The following PHF21A variants were observed in gnomAD, a reference collection of about 807,000 sequenced individuals.
The protein encoded by PHF21A is BHC80a.
A neutral mutation model predicts 82.5 loss-of-function variants in PHF21A; 11 were observed. That is an observed-to-expected ratio of 0.13 (90% CI 0.08 to 0.22). The LOEUF (loss-of-function observed/expected upper bound fraction) is 0.22. PHF21A is among the 10% of genes least tolerant of loss of function. PHF21A has a pLI of 1.00. For synonymous variants in PHF21A, 297 were observed against 302.8 expected (o/e 0.98, Z 0.20); for missense variants, 579 against 837.8 (o/e 0.69, Z 3.81).
At chr11:46,005,102 T>G (rs2095262460) in intron 6 of PHF21A, among the ~76,000 whole-genome samples, 1 of 152,190 alleles carries the variant, frequency 6.6e-6, no homozygotes, top group Non-Finnish European at 1.5e-5. Context: ...GCAGGCTCAG[T>G]TACCAAGAGC....
At chr11:45,964,092 G>A (rs369633006) in intron 10 of PHF21A, among the ~76,000 whole-genome samples, 1 of 151,692 alleles carries the variant, frequency 6.6e-6, no homozygotes, top group Non-Finnish European at 1.5e-5. Flanking sequence ...AGCTACTCAG[G>A]AGGCTGAGGC....
intron 6 of PHF21A, among the ~76,000 whole-genome samples, chr11:46,047,907 C>A (rs2096280125): frequency 6.6e-6 from 1 of 152,172 alleles, no homozygotes; most frequent in Non-Finnish European, 1.5e-5. Context: ...GTTCTCCTAG[C>A]CAGTACAATT....
intron 6 of PHF21A, among the ~76,000 whole-genome samples, chr11:46,070,689 CT>C (rs1487501542): frequency 6.6e-6 from 1 of 151,988 alleles, no homozygotes; most frequent in Non-Finnish European, 1.5e-5. Flanking sequence ...AGATCAAAGA[CT>C]ACAGAAGGGT....
At chr11:46,038,430 T>A (rs2096061785) in intron 6 of PHF21A, among the ~76,000 whole-genome samples, 1 of 152,152 alleles carries the variant, frequency 6.6e-6, no homozygotes, top group Non-Finnish European at 1.5e-5. Context: ...ACCCGGCCCA[T>A]TTCATTCTTT....
intron 6 of PHF21A, among the ~76,000 whole-genome samples, chr11:46,053,476 G>A (rs1301732879): frequency 1.3e-5 from 2 of 151,838 alleles, no homozygotes; most frequent in Non-Finnish European, 2.9e-5. Flanking sequence ...TTCTTAAGAG[G>A]ATATTTTATT....
At chr11:46,076,644 C>T (rs2096729112) in intron 6 of PHF21A, 110 bp downstream of exon 6, 5 of 812,950 alleles carry the variant, frequency 6.2e-6, no homozygotes, top group African/African-American at 5.2e-5. Flanking sequence ...TCTGGCTGCC[C>T]ACACTTATTT....
intron 6 of PHF21A, among the ~76,000 whole-genome samples, chr11:46,047,766 A>G (rs1464381322): frequency 6.6e-6 from 1 of 152,176 alleles, no homozygotes; most frequent in Non-Finnish European, 1.5e-5. Context: ...CTTTGTGTCA[A>G]TTTCATCTGC....
At chr11:46,013,658 T>A (rs958818941) in intron 6 of PHF21A, among the ~76,000 whole-genome samples, 1 of 152,162 alleles carries the variant, frequency 6.6e-6, no homozygotes, top group Admixed American at 6.5e-5. Flanking sequence ...TCATACAATG[T>A]ACTTAAACAA....
chr11:45,943,121 C>CT (rs3061870), intron 15 of PHF21A, among the ~76,000 whole-genome samples: 37,523 of 111,914 alleles, frequency 0.34, 8,306 homozygotes, highest in East Asian at 0.79. Flanking sequence ...TCTTTCTTTC[C>CT]TTTTTTTTTT....
At position 45,930,206 on chromosome 11, in the gene PHF21A, G is replaced by GT. The variant is rs1414877358; in HGVS notation, c.*3761dup. 6.6e-6 allele frequency: 1 copy of GT among 152,362 alleles called. No individual in the cohort carries two copies. The highest frequency in any genetic ancestry group is 1.5e-5 in the Non-Finnish European group (1 of 68,120). The allele number at this position is 152,362 out of a possible 1,614,324, so 9.4% of individuals were successfully genotyped here. On this transcript the variant is annotated 3_prime_UTR_variant, in exon 19 of 19. Transcript: ENST00000676320. ...AGGCTCTGATGGCCCCAAGAGAGAA[G>GT]TATCAGAGGTGGCTGGAGAGGCAGC...
chr11:46,050,426 CTGGCTTTT>C (rs1485488629), intron 6 of PHF21A, among the ~76,000 whole-genome samples: 3 of 152,208 alleles, frequency 2.0e-5, no homozygotes, highest in African/African-American at 7.2e-5. Context: ...AGCAGGAGAG[CTGGCTTTT>C]GAGAGGCCCA....
At chr11:45,961,386 G>A (rs2093063528) in intron 10 of PHF21A, among the ~76,000 whole-genome samples, 1 of 152,184 alleles carries the variant, frequency 6.6e-6, no homozygotes, top group Non-Finnish European at 1.5e-5. Flanking sequence ...CAAAATCCAT[G>A]GTTTGGTCAC....
intron 6 of PHF21A, among the ~76,000 whole-genome samples, chr11:46,033,169 T>A (rs900205989): frequency 2.2e-4 from 34 of 152,382 alleles, no homozygotes; most frequent in Non-Finnish European, 4.7e-4. Context: ...ATTCATTTTT[T>A]AAAAACTATA....
intron 8 of PHF21A, chr11:45,970,108 C>T: frequency 1.9e-6 from 1 of 526,178 alleles, no homozygotes; most frequent in East Asian, 3.4e-5. Context: ...GAACCAACCA[C>T]ACTTCTGTTT....
At chr11:46,017,324 A>C (rs1159608916) in intron 6 of PHF21A, among the ~76,000 whole-genome samples, 3 of 152,236 alleles carry the variant, frequency 2.0e-5, no homozygotes, top group Non-Finnish European at 4.4e-5. Flanking sequence ...AGTTCTAGCA[A>C]AGGAAAAAAT....
At chr11:46,041,322 T>A (rs1281651327) in intron 6 of PHF21A, among the ~76,000 whole-genome samples, 1 of 152,188 alleles carries the variant, frequency 6.6e-6, no homozygotes, top group Non-Finnish European at 1.5e-5. Context: ...AATGAGATCT[T>A]ATTTAGGATG....
intron 4 of PHF21A, among the ~76,000 whole-genome samples, chr11:46,081,238 T>C (rs1565894288): frequency 6.6e-6 from 1 of 152,348 alleles, no homozygotes; most frequent in East Asian, 1.9e-4. Context: ...TGTGTCACTA[T>C]ATGACTTCAT....
chr11:45,963,212 G>C (rs561383622), intron 10 of PHF21A, among the ~76,000 whole-genome samples: 4 of 152,028 alleles, frequency 2.6e-5, no homozygotes, highest in African/African-American at 9.6e-5. Context: ...CTGAGGTCAG[G>C]AGTCTGAGAC....
intron 4 of PHF21A, 74 bp from the exon 5 acceptor site, chr11:46,079,240 A>T: frequency 9.7e-7 from 1 of 1,033,550 alleles, no homozygotes. Context: ...TTTGGACCAA[A>T]AAATCTAGGA....
Sources: allele counts gnomAD v4.1 joint callset (sites outside exome capture counted in the v4.1 genomes callset), GRCh38; gene constraint gnomAD v4.1.1; transcripts MANE v1.5; gene names NCBI Gene and HGNC (gene_info 2026-07-23, HGNC 2026-07-21).